ANKRD12: variants seen among roughly 807,000 people sequenced by gnomAD.
The protein encoded by ANKRD12 is ankyrin repeat domain 12.
In ANKRD12, 85 loss-of-function variants were observed where a neutral mutation model predicts 183.4. The ratio of observed to expected loss-of-function variants is 0.46; its 90% CI spans 0.39 to 0.56. ANKRD12 has a LOEUF of 0.56. Ranked by LOEUF, ANKRD12 falls within the 20% of genes least tolerant of loss-of-function variation. The pLI, the probability that ANKRD12 is intolerant of heterozygous loss-of-function variation, is 0.00. For synonymous variants in ANKRD12, 914 were observed against 800.2 expected (o/e 1.14, Z -2.40); for missense variants, 2,405 against 2,357.1 (o/e 1.02, Z -0.42).
At chr18:9,187,765 T>G (rs2034188238) in intron 2 of ANKRD12, among the ~76,000 whole-genome samples, 1 of 152,200 alleles carries the variant, frequency 6.6e-6, no homozygotes, top group Admixed American at 6.5e-5. Flanking sequence ...CAAAGCAGAA[T>G]CTTTTATAAA....
intron 2 of ANKRD12, among the ~76,000 whole-genome samples, chr18:9,186,690 G>A (rs148110257): frequency 2.6e-5 from 4 of 151,246 alleles, no homozygotes; most frequent in South Asian, 2.1e-4. Context: ...GTTGGGGTAG[G>A]GGGTAGAAGG....
intron 2 of ANKRD12, among the ~76,000 whole-genome samples, chr18:9,187,878 A>G (rs2034197660): frequency 6.6e-6 from 1 of 152,232 alleles, no homozygotes; most frequent in African/African-American, 2.4e-5. Context: ...CCTTTTCGTC[A>G]TCAGTGTAGT....
At position 9,156,189 on chromosome 18, in the gene ANKRD12, G is replaced by C. The variant is rs531835346; in HGVS notation, c.-52+19224G>C. Among the ~76,000 whole-genome samples, 5 of 149,952 alleles carry C rather than the reference G, an allele frequency of 3.3e-5. No homozygotes were observed. In the South Asian group the frequency reaches 1.1e-3, roughly 32 times the overall value. ...CTTTTGACTTTTATGTCACATTTTGGAAAGGCTTTCTCTATCCAAGGATTT... is the reference window on the plus strand; with the variant it reads ...CTTTTGACTTTTATGTCACATTTTGCAAAGGCTTTCTCTATCCAAGGATTT... On this transcript the variant is annotated intron_variant, in intron 1 of 12. Transcript: ENST00000262126.
At position 9,182,380 on chromosome 18, in the gene ANKRD12, A is replaced by C. The variant is rs2033762917; in HGVS notation, c.-51-2A>C. On this transcript the variant is annotated splice_acceptor_variant, in intron 1 of 12. Transcript: ENST00000262126. LOFTEE classifies it low-confidence loss of function (5UTR_SPLICE). Reference sequence around the variant, plus strand: ...TAACCCTTATATATCTATTCTTTACAGATCCAGGATGAGAAGACTGATAAA... The same window carrying C: ...TAACCCTTATATATCTATTCTTTACCGATCCAGGATGAGAAGACTGATAAA... 8.2e-7 allele frequency: 1 copy of C among 1,225,026 alleles called. No homozygotes were observed. Among genetic ancestry groups the C allele is most frequent in the Non-Finnish European group, 1.2e-6 (1 of 848,978 alleles). The allele number at this position is 1,225,026 out of a possible 1,614,324, so 75.9% of individuals were successfully genotyped here. A position where few individuals can be genotyped will look rare whatever the true frequency, so the allele number is the denominator to read the frequency against.
chr18:9,165,946 C>T (rs2032012427), intron 1 of ANKRD12, among the ~76,000 whole-genome samples: 1 of 149,270 alleles, frequency 6.7e-6, no homozygotes, highest in Admixed American at 6.8e-5. Flanking sequence ...GTTCAATTAC[C>T]ACCTATGAGT....
intron 8 of ANKRD12, chr18:9,239,514 T>C (rs1310202026): frequency 7.8e-7 from 1 of 1,287,894 alleles, no homozygotes; most frequent in Non-Finnish European, 1.0e-6. Context: ...GCCTGAATTA[T>C]TGCTTGGTCA....
In ANKRD12 at chr18:9,254,292, G is replaced by T. The variant is rs372125139; in HGVS notation, c.1025G>T (p.Cys342Phe). The T allele has an allele frequency of 1.3e-5, 21 of 1,611,966 alleles. No homozygotes were observed. The African/African-American group carries it at 2.8e-4, about 22-fold the overall frequency. Residue 342 changes from cysteine (C) to phenylalanine (F), a missense_variant, in exon 9 of 13, where the codon TGT becomes TTT. Physicochemically the swap from Cys to Phe is radical, Grantham distance 205. Around this residue, in one of 7 missense-constraint regions of ANKRD12, gnomAD observed 1,983 missense variants for 1,725.9 expected, o/e 1.15. Coordinates refer to ENST00000262126, the MANE Select transcript of ANKRD12 (RefSeq NM_015208.5). ...DSETEKDSLI[C>F]ESKQILPSKT... ...GAAACAGAGAAAGACTCTCTCATCT[G>T]TGAAAGTAAACAGATACTTCCCAGT...
At chr18:9,166,506 G>A (rs531896463) in intron 1 of ANKRD12, among the ~76,000 whole-genome samples, 1 of 152,264 alleles carries the variant, frequency 6.6e-6, no homozygotes, top group African/African-American at 2.4e-5. Context: ...TTTTTTGGCT[G>A]CATAAATGTC....
intron 1 of ANKRD12, among the ~76,000 whole-genome samples, chr18:9,170,835 T>C (rs2032637065): frequency 6.6e-6 from 1 of 152,180 alleles, no homozygotes; most frequent in Non-Finnish European, 1.5e-5. Flanking sequence ...TCTTTGTGGT[T>C]TTATCTACCT....
chr18:9,185,697 C>A (rs1056931259), intron 2 of ANKRD12, among the ~76,000 whole-genome samples: 1 of 151,824 alleles, frequency 6.6e-6, no homozygotes, highest in Non-Finnish European at 1.5e-5. Context: ...GGAGGATAGA[C>A]CCTGAGGAAT....
intron 1 of ANKRD12, among the ~76,000 whole-genome samples, chr18:9,169,911 G>C (rs2032512479): frequency 6.6e-6 from 1 of 152,188 alleles, no homozygotes; most frequent in African/African-American, 2.4e-5. Flanking sequence ...AGGCCTGGTA[G>C]TGACAAAATC....
At chr18:9,230,301 T>A (rs936788883) in intron 8 of ANKRD12, among the ~76,000 whole-genome samples, 6 of 152,212 alleles carry the variant, frequency 3.9e-5, no homozygotes, top group African/African-American at 1.4e-4. Flanking sequence ...TGATTTTCGG[T>A]ATTTCTGTGA....
chr18:9,264,494 A>G (rs1401351817), intron 10 of ANKRD12, among the ~76,000 whole-genome samples: 4 of 152,174 alleles, frequency 2.6e-5, no homozygotes, highest in African/African-American at 9.6e-5. Context: ...AAATTTGTAT[A>G]TAACTTCTTT....
intron 9 of ANKRD12, chr18:9,259,478 CAT>C (rs1235265145): frequency 6.6e-6 from 1 of 151,980 alleles, no homozygotes. Context: ...TATATAAACA[CAT>C]AAATGTGTGT....
At chr18:9,229,110 C>G (rs570105320) in intron 8 of ANKRD12, among the ~76,000 whole-genome samples, 8 of 152,002 alleles carry the variant, frequency 5.3e-5, no homozygotes, top group Non-Finnish European at 1.5e-5. Flanking sequence ...TATCAAAGAT[C>G]ATTTGGCTGT....
intron 1 of ANKRD12, among the ~76,000 whole-genome samples, chr18:9,144,257 TAAA>T (rs923992193): frequency 2.6e-5 from 4 of 152,182 alleles, no homozygotes; most frequent in Admixed American, 2.6e-4. Context: ...AAGATTATAA[TAAA>T]AAGGTTATTA....
In ANKRD12 at chr18:9,258,039, T is replaced by G. The variant is rs572386598; in HGVS notation, c.4772T>G (p.Phe1591Cys). 3.1e-6 allele frequency: 5 copies of G among 1,613,580 alleles called. No homozygotes were observed. The African/African-American group carries it at 5.3e-5, about 17-fold the overall frequency. The part of the protein sequence containing the change: ...TLPVLPSEKD[F>C]NGSDASTQLN... ...CCTGTGTTACCATCAGAAAAGGACT[T>G]TAATGGAAGTGATGCCTCTACCCAG... Residue 1591 changes from phenylalanine to cysteine, a missense_variant, in exon 9 of 13, where the codon TTT (phenylalanine) becomes TGT (cysteine). This residue lies in a region of ANKRD12 where 1,983 missense variants were observed against 1,725.9 expected (regional missense o/e 1.15). Coordinates refer to ENST00000262126, the MANE Select transcript of ANKRD12 (RefSeq NM_015208.5).
At chr18:9,276,412 A>G (rs779689280) in intron 11 of ANKRD12, among the ~76,000 whole-genome samples, 2 of 152,178 alleles carry the variant, frequency 1.3e-5, no homozygotes, top group South Asian at 2.1e-4. Context: ...CTAGATAGGT[A>G]GGTTTCAAAC....
intron 8 of ANKRD12, among the ~76,000 whole-genome samples, chr18:9,251,136 A>G (rs904385409): frequency 3.3e-5 from 5 of 152,194 alleles, no homozygotes; most frequent in African/African-American, 1.2e-4. Flanking sequence ...TGTGAAATGT[A>G]ATTACTTTGT....
Sources: gnomAD v4.1 joint callset for allele counts (sites outside exome capture counted in the v4.1 genomes callset) on GRCh38, gnomAD v4.1.1 for gene constraint, gnomAD v4.1.1 regional missense constraint, MANE v1.5 for transcripts, NCBI Gene and HGNC (gene_info 2026-07-23, HGNC 2026-07-21) for gene names.